Variants in SOBP observed in about 807,000 individuals in gnomAD.
SOBP encodes sine oculis-binding protein homolog.
A neutral mutation model predicts 53.6 loss-of-function variants in SOBP; 4 were observed. The ratio of observed to expected loss-of-function variants is 0.07; its 90% CI spans 0.04 to 0.17. The LOEUF is 0.17. Among genes scored for constraint, SOBP ranks in the 10% least tolerant of loss-of-function variants. SOBP has a pLI of 1.00. For synonymous variants in SOBP, 584 were observed against 522.6 expected, an observed-to-expected ratio of 1.12 and a Z score of -1.60; for missense variants, 1,088 against 1,204.7, an observed-to-expected ratio of 0.90 and a Z score of 1.43.
chr6:107,631,506 C>A (rs1235410591), intron 5 of SOBP, among the ~76,000 whole-genome samples: 2 of 152,144 alleles, frequency 1.3e-5, no homozygotes, highest in African/African-American at 4.8e-5. Context: ...GTTTACTTAA[C>A]CTTTATCTAG....
At chr6:107,621,275 C>T (rs148910957) in intron 5 of SOBP, 72 of 184,318 alleles carry the variant, frequency 3.9e-4, no homozygotes, top group African/African-American at 1.5e-3. Flanking sequence ...TTCAGTTGGG[C>T]GAACCCAGGA....
chr6:107,634,763 T>C lies in SOBP; in HGVS notation c.1919T>C (p.Leu640Pro). ...GGCCCCCCGGGCGCGGGCGGCCAGC[T>C]CGGCTTCCCAGGCGTGCTGCAGGGC... ...PPGPPGAGGQ[L>P]GFPGVLQGPQ... The change falls in exon 6 of 7, where the codon CTC becomes CCC. Residue 640 changes from leucine (L) to proline (P), a missense_variant. By Grantham distance (98) the Leu-to-Pro change is moderately conservative (BLOSUM62 -3). Transcript: ENST00000317357. This position sits in a 1 kb window ranked among gnomAD's most constrained non-coding sequence, Gnocchi z 4.5. 1 of 1,347,982 alleles carries C rather than the reference T, an allele frequency of 7.4e-7. No individual in the cohort carries two copies. The highest frequency in any genetic ancestry group is 9.5e-7 in the Non-Finnish European group (1 of 1,055,690). 83.5% of individuals were successfully genotyped at this position (1,347,982 alleles called of 1,614,324 possible).
At chr6:107,624,948 C>G (rs757824546) in intron 5 of SOBP, among the ~76,000 whole-genome samples, 3 of 152,164 alleles carry the variant, frequency 2.0e-5, no homozygotes, top group Admixed American at 6.5e-5. Flanking sequence ...GCAAAAAACC[C>G]TTGAGATAGT....
chr6:107,576,121 G>T (rs75629027), intron 4 of SOBP, among the ~76,000 whole-genome samples: 1 of 152,154 alleles, frequency 6.6e-6, no homozygotes, highest in Non-Finnish European at 1.5e-5. Context: ...AACAGGTCAA[G>T]TGGCATGTGG....
chr6:107,621,212 T>G, intron 5 of SOBP: 51 of 530,114 alleles, frequency 9.6e-5, no homozygotes, highest in Non-Finnish European at 1.2e-4. Flanking sequence ...GTGTCCCGGG[T>G]TGTCTTGGTT....
chr6:107,578,446 A>AGT (rs1249487788), intron 4 of SOBP, among the ~76,000 whole-genome samples: 1 of 152,224 alleles, frequency 6.6e-6, no homozygotes, highest in Non-Finnish European at 1.5e-5. Flanking sequence ...GGAGATCATC[A>AGT]GTGTGTGGCA....
chr6:107,653,965 A>C (rs1010763057), intron 6 of SOBP, among the ~76,000 whole-genome samples: 6 of 152,200 alleles, frequency 3.9e-5, no homozygotes, highest in Admixed American at 1.3e-4. Flanking sequence ...TGCTATCTAT[A>C]ATTCTCTGGA....
rs113499755 is a variant in SOBP, at chr6:107,503,185, C to T, written c.97-472C>T. Among the ~76,000 whole-genome samples, 42 of 152,222 alleles carry T rather than the reference C, an allele frequency of 2.8e-4. No individual in the cohort carries two copies. In the South Asian group the frequency reaches 8.3e-3, roughly 30 times the overall value. On this transcript the variant is annotated intron_variant, in intron 1 of 6. Transcript: ENST00000317357. The stretch of plus-strand genomic sequence containing the variant: ...GAAATTTTTCTTTGTTGAAATTTGG[C>T]GTTATCCGCGATAAGAGTTATCTTA...
At chr6:107,566,661 T>C (rs1306693299) in intron 4 of SOBP, among the ~76,000 whole-genome samples, 1 of 152,232 alleles carries the variant, frequency 6.6e-6, no homozygotes, top group East Asian at 1.9e-4. Flanking sequence ...CTATAGCTCA[T>C]GGTCTTCATC....
chr6:107,512,606 G>T (rs1320675622), intron 3 of SOBP, among the ~76,000 whole-genome samples: 1 of 152,150 alleles, frequency 6.6e-6, no homozygotes, highest in Non-Finnish European at 1.5e-5. Context: ...GGCAGGTTTG[G>T]GTCTCCCCAC....
chr6:107,582,653 T>C (rs190273648), intron 4 of SOBP, among the ~76,000 whole-genome samples: 25 of 152,264 alleles, frequency 1.6e-4, no homozygotes, highest in Admixed American at 1.3e-3. Flanking sequence ...TAGTCTCCCA[T>C]TTGCTTTTCC....
At chr6:107,646,943 T>C (rs1222749807) in intron 6 of SOBP, among the ~76,000 whole-genome samples, 1 of 152,164 alleles carries the variant, frequency 6.6e-6, no homozygotes, top group African/African-American at 2.4e-5. Context: ...GAGATTGCTG[T>C]AAGAGACAGG....
At position 107,634,549 on chromosome 6, in the gene SOBP, G is replaced by T. The variant is rs1314395806; in HGVS notation, c.1705G>T (p.Asp569Tyr). 1 of 1,608,796 alleles carries T rather than the reference G, an allele frequency of 6.2e-7. No homozygotes were observed. The change falls in exon 6 of 7, where the codon GAC becomes TAC. Residue 569 changes from aspartate to tyrosine, a missense_variant. Physicochemically the swap from Asp to Tyr is radical, Grantham distance 160 (BLOSUM62 -3). This residue lies in a region of SOBP where 665 missense variants were observed against 629.7 expected (regional missense o/e 1.06). Transcript: ENST00000317357. The surrounding 1 kb of genome is among the most constrained non-coding windows in gnomAD (Gnocchi z 4.5). The part of the protein sequence containing the change: ...GENFIPNAPG[D>Y]SAAAGGKPSG... Reference sequence around the variant, plus strand: ...GAACTTCATTCCGAACGCCCCTGGCGACTCCGCGGCGGCGGGCGGCAAGCC... The same window carrying T: ...GAACTTCATTCCGAACGCCCCTGGCTACTCCGCGGCGGCGGGCGGCAAGCC...
At chr6:107,518,317 C>G (rs1783380723) in intron 3 of SOBP, among the ~76,000 whole-genome samples, 1 of 152,014 alleles carries the variant, frequency 6.6e-6, no homozygotes, top group Non-Finnish European at 1.5e-5. Context: ...ATGAGAATGG[C>G]TAAAATGAAG....
chr6:107,492,795 A>G (rs1782611024), intron 1 of SOBP, among the ~76,000 whole-genome samples: 2 of 152,244 alleles, frequency 1.3e-5, no homozygotes, highest in South Asian at 4.1e-4. Flanking sequence ...CCAGAGTAGC[A>G]TTAAATAAGA....
At chr6:107,576,495 G>C (rs1026303556) in intron 4 of SOBP, among the ~76,000 whole-genome samples, 1 of 152,182 alleles carries the variant, frequency 6.6e-6, no homozygotes, top group African/African-American at 2.4e-5. Flanking sequence ...ACTTTCCTAT[G>C]TCTGTCCAGA....
At chr6:107,616,778 A>C (rs1179403520) in intron 5 of SOBP, among the ~76,000 whole-genome samples, 1 of 152,220 alleles carries the variant, frequency 6.6e-6, no homozygotes, top group African/African-American at 2.4e-5. Context: ...TCTCCGAAGC[A>C]GCGGACACTC....
Position 107,533,009 on chromosome 6 carries a change from G to A in SOBP, c.422-450G>A, listed in dbSNP as rs1039413158. 3.9e-5 allele frequency among the ~76,000 whole-genome samples: 6 copies of A among 152,212 alleles called. No individual in the cohort carries two copies. In the South Asian group the frequency reaches 1.2e-3, roughly 32 times the overall value. On this transcript the variant is annotated intron_variant, in intron 3 of 6. Coordinates refer to ENST00000317357, the MANE Select transcript of SOBP (RefSeq NM_018013.4). ...AGGCCATGGTTGAGCCTGGCGTCTG[G>A]TCAAGGTTCACATGAGGGTGTTCCA...
At chr6:107,615,315 A>C (rs1396381140) in intron 5 of SOBP, among the ~76,000 whole-genome samples, 1 of 152,174 alleles carries the variant, frequency 6.6e-6, no homozygotes. Context: ...AAGGAAAGAA[A>C]GATTTAGACT....
Sources: allele counts gnomAD v4.1 joint callset (sites outside exome capture counted in the v4.1 genomes callset), GRCh38; gene constraint gnomAD v4.1.1; regional missense constraint gnomAD v4.1.1; non-coding constraint Gnocchi (gnomAD v3.1); transcripts MANE v1.5; gene names NCBI Gene and HGNC (gene_info 2026-07-23, HGNC 2026-07-21).